PDE4D: variants seen among roughly 807,000 people sequenced by gnomAD.
PDE4D encodes 3',5'-cyclic-AMP phosphodiesterase 4D.
In PDE4D, 24 loss-of-function variants were observed where a neutral mutation model predicts 87.4. The observed-to-expected ratio is 0.27, with a 90% CI of 0.20 to 0.39. The LOEUF (loss-of-function observed/expected upper bound fraction) is 0.39, where lower values mean the gene tolerates loss of function less well. Ranked by LOEUF, PDE4D falls within the 10% of genes least tolerant of loss-of-function variation. PDE4D has a pLI of 1.00. For missense variants in PDE4D, 714 were observed against 1,041.0 expected (o/e 0.69, Z 4.32); for synonymous variants, 384 against 383.2 (o/e 1.00, Z -0.02).
chr5:59,922,619 G>C (rs182742907), intron 3 of PDE4D, among the ~76,000 whole-genome samples: 1 of 152,088 alleles, frequency 6.6e-6, no homozygotes, highest in East Asian at 1.9e-4. Flanking sequence ...GGAACCTGCT[G>C]CCTTGAAGGG....
Position 59,703,086 on chromosome 5 carries a change from A to G in PDE4D, c.455+190082T>C, listed in dbSNP as rs533258469. Among the ~76,000 whole-genome samples, 94 of 152,266 alleles carry G rather than the reference A, an allele frequency of 6.2e-4. 1 individual carries two copies. The South Asian group carries it at 0.019, about 31-fold the overall frequency. ...GTTCCCTGAGTCTCACTGGGACAAC[A>G]CACTGAGCAATAGCTTTACCAGAAT... is the stretch of plus-strand genomic sequence containing the variant. On this transcript the variant is annotated intron_variant, in intron 1 of 14. Transcript: ENST00000340635.
chr5:60,517,175 A>T (rs2150261917), intron 1 of PDE4D, among the ~76,000 whole-genome samples: 1 of 152,314 alleles, frequency 6.6e-6, no homozygotes, highest in Admixed American at 6.5e-5. Flanking sequence ...CTGACACACC[A>T]GCCCCCTGTT....
chr5:58,992,043 TTCTA>T (rs780750124), intron 7 of PDE4D, 39 bp from the exon 8 acceptor site: 9 of 1,250,920 alleles, frequency 7.2e-6, no homozygotes, highest in South Asian at 3.4e-5. Flanking sequence ...TTATTATTAA[TTCTA>T]TCTGTTTTAT....
chr5:59,561,381 C>T (rs1370669275), intron 1 of PDE4D, among the ~76,000 whole-genome samples: 1 of 152,126 alleles, frequency 6.6e-6, no homozygotes, highest in African/African-American at 2.4e-5. Flanking sequence ...TTGTAATTTG[C>T]TCAATTAGAC....
chr5:60,440,732 T>C (rs1274118957), intron 1 of PDE4D, among the ~76,000 whole-genome samples: 2 of 152,112 alleles, frequency 1.3e-5, no homozygotes, highest in Non-Finnish European at 2.9e-5. Flanking sequence ...AGCAGACTAA[T>C]AATAATAGCA....
chr5:59,037,947 C>A (rs768104530), intron 6 of PDE4D, among the ~76,000 whole-genome samples: 10 of 152,090 alleles, frequency 6.6e-5, no homozygotes, highest in Non-Finnish European at 1.2e-4. Context: ...AATATCTTGA[C>A]GAGGCAACTA....
intron 3 of PDE4D, among the ~76,000 whole-genome samples, chr5:59,965,773 T>C (rs1468533736): frequency 6.6e-6 from 1 of 152,188 alleles, no homozygotes; most frequent in African/African-American, 2.4e-5. Context: ...GGCAAAGTTT[T>C]TCTGTAAAGC....
intron 1 of PDE4D, among the ~76,000 whole-genome samples, chr5:60,433,372 TATC>T (rs769774799): frequency 6.6e-6 from 1 of 152,180 alleles, no homozygotes; most frequent in Non-Finnish European, 1.5e-5. Flanking sequence ...CACAATGAGA[TATC>T]ATCTCACACC....
At chr5:59,781,118 G>A (rs184862035) in intron 1 of PDE4D, among the ~76,000 whole-genome samples, 5 of 139,810 alleles carry the variant, frequency 3.6e-5, no homozygotes, top group Non-Finnish European at 6.1e-5. Flanking sequence ...GTGAGCGGAG[G>A]TCACACCACT....
upstream of PDE4D, among the ~76,000 whole-genome samples, chr5:59,895,797 A>G (rs1012066824): frequency 1.3e-5 from 2 of 152,228 alleles, no homozygotes; most frequent in African/African-American, 4.8e-5. Context: ...CTAACAGTAC[A>G]AGTGACTTAT....
At chr5:59,932,946 C>A (rs1756135934) in intron 3 of PDE4D, among the ~76,000 whole-genome samples, 1 of 131,208 alleles carries the variant, frequency 7.6e-6, no homozygotes, top group African/African-American at 2.7e-5. Context: ...AGCAGCTAAC[C>A]CTTTAGAAAT....
chr5:59,487,163 T>G (rs972537355), intron 1 of PDE4D, among the ~76,000 whole-genome samples: 3 of 152,146 alleles, frequency 2.0e-5, no homozygotes, highest in Non-Finnish European at 4.4e-5. Context: ...AACAAATTTC[T>G]AGATTGAAAA....
At chr5:59,567,332 C>T (rs1343975455) in intron 1 of PDE4D, among the ~76,000 whole-genome samples, 1 of 152,106 alleles carries the variant, frequency 6.6e-6, no homozygotes, top group African/African-American at 2.4e-5. Flanking sequence ...AAGTTACCAG[C>T]AAGATACAGT....
intron 1 of PDE4D, among the ~76,000 whole-genome samples, chr5:59,668,452 G>A (rs115462448): frequency 0.018 from 2,779 of 152,242 alleles, 47 homozygotes; most frequent in Non-Finnish European, 0.028. Context: ...GCTCATGCCT[G>A]TAACTCCAGA....
intron 1 of PDE4D, among the ~76,000 whole-genome samples, chr5:59,241,688 T>C (rs1757717215): frequency 6.6e-6 from 1 of 152,162 alleles, no homozygotes; most frequent in South Asian, 2.1e-4. Flanking sequence ...GTTATGTAGT[T>C]TAACTAAATT....
chr5:59,980,719 T>A (rs1035573399), intron 3 of PDE4D, among the ~76,000 whole-genome samples: 6 of 152,210 alleles, frequency 3.9e-5, no homozygotes, highest in African/African-American at 1.4e-4. Context: ...GGTACTGTGA[T>A]AACCTGAAAA....
intron 5 of PDE4D, among the ~76,000 whole-genome samples, chr5:59,057,286 T>G (rs748064439): frequency 6.6e-6 from 1 of 152,134 alleles, no homozygotes; most frequent in African/African-American, 2.4e-5. Flanking sequence ...GTTTTTGGAG[T>G]AAGGCAGTCC....
rs1305170611 is a variant in PDE4D, at chr5:59,275,441, T to C, written c.456-59473A>G. On this transcript the variant is annotated intron_variant, in intron 1 of 14. Transcript: ENST00000340635. ...AAAAAGGAAAATAAGTCTTCAACTA[T>C]TCTGATTAATACATTCTAACTGTCT... 3 of 1,591,514 alleles carry C rather than the reference T, an allele frequency of 1.9e-6. No homozygotes were observed. The African/African-American group carries it at 4.0e-5, about 21-fold the overall frequency.
intron 1 of PDE4D, among the ~76,000 whole-genome samples, chr5:59,440,987 A>G (rs1582618883): frequency 1.3e-5 from 2 of 152,226 alleles, no homozygotes; most frequent in Non-Finnish European, 2.9e-5. Context: ...AAATTTAAAT[A>G]TTGAAAAGTT....
Sources: allele counts gnomAD v4.1 joint callset (sites outside exome capture counted in the v4.1 genomes callset), GRCh38; gene constraint gnomAD v4.1.1; transcripts MANE v1.5; gene names NCBI Gene and HGNC (gene_info 2026-07-23, HGNC 2026-07-21).